The following PRKAR2A variants were observed in gnomAD, a reference collection of about 807,000 sequenced individuals.
The protein encoded by PRKAR2A is cAMP-dependent protein kinase type II-alpha regulatory subunit.
A neutral mutation model predicts 51.9 loss-of-function variants in PRKAR2A; 29 were observed. The observed-to-expected ratio is 0.56, with a 90% confidence interval of 0.42 to 0.76. The LOEUF is 0.76. Among genes scored for constraint, PRKAR2A ranks in the 30% least tolerant of loss-of-function variants. The probability of loss-of-function intolerance (pLI) is 0.00; values close to 1 mark genes in which losing one functional copy is unlikely to be tolerated. For synonymous variants in PRKAR2A, 178 were observed against 186.2 expected (o/e 0.96, Z 0.36); for missense variants, 445 against 512.1 (o/e 0.87, Z 1.26).
chr3:48,755,457 A>G (rs963331997), intron 9 of PRKAR2A, among the ~76,000 whole-genome samples: 1 of 152,104 alleles, frequency 6.6e-6, no homozygotes, highest in Non-Finnish European at 1.5e-5. Flanking sequence ...CATTCCTCCT[A>G]CTTACAGCTC....
At chr3:48,808,048 C>CTTTTT (rs1181440560) in intron 1 of PRKAR2A, among the ~76,000 whole-genome samples, 3 of 122,700 alleles carry the variant, frequency 2.4e-5, no homozygotes, top group Non-Finnish European at 4.8e-5. Flanking sequence ...TTCTTTCTTT[C>CTTTTT]TTTTTTTTTT....
intron 2 of PRKAR2A, among the ~76,000 whole-genome samples, chr3:48,798,143 G>C (rs530971364): frequency 9.9e-5 from 15 of 152,184 alleles, no homozygotes; most frequent in Admixed American, 3.3e-4. Flanking sequence ...AGTAGGGATG[G>C]AGTTTCGCCA....
intron 1 of PRKAR2A, among the ~76,000 whole-genome samples, chr3:48,838,095 G>A (rs554615913): frequency 2.6e-5 from 4 of 152,060 alleles, no homozygotes; most frequent in South Asian, 2.1e-4. Context: ...GGAGAATGGC[G>A]TGAACCCAGG....
chr3:48,834,034 T>TA lies in PRKAR2A; in HGVS notation c.262+13300dup, dbSNP rs569678133. Among the ~76,000 whole-genome samples the TA allele has an allele frequency of 7.9e-3, 829 of 104,344 alleles. 8 individuals are homozygous for TA. The highest frequency in any genetic ancestry group is 0.021 in the African/African-American group (586 of 27,882). 68.5% of individuals were successfully genotyped at this position (104,344 alleles called of 152,430 possible). ...TGGGCAACAAAGCAAGACTCCGTCT[T>TA]AAAAAAAAAAAAAAAAGAAAAAAAA... On this transcript the variant is annotated intron_variant, in intron 1 of 10. Coordinates refer to ENST00000265563, the MANE Select transcript of PRKAR2A (RefSeq NM_004157.4).
intron 1 of PRKAR2A, among the ~76,000 whole-genome samples, chr3:48,831,709 C>T (rs545770001): frequency 5.9e-4 from 90 of 152,106 alleles, no homozygotes; most frequent in African/African-American, 2.0e-3. Context: ...CTTCACCTCC[C>T]GGGTTCAAGA....
chr3:48,780,602 C>CAAAAAAA, intron 5 of PRKAR2A, among the ~76,000 whole-genome samples: 1 of 49,356 alleles, frequency 2.0e-5, no homozygotes. Context: ...GACTCCGTCT[C>CAAAAAAA]AAAAAAAAAA....
rs1260462485 is a variant in PRKAR2A, at chr3:48,829,621, CGT to C, written c.262+17712_262+17713del. Reference sequence around the variant, plus strand: ...ACACACATAAATGTGTGTGTGTATACGTGTGTATACACACACATAAATGTGTG... The same window carrying C: ...ACACACATAAATGTGTGTGTGTATACGTGTATACACACACATAAATGTGTG... On this transcript the variant is annotated intron_variant, in intron 1 of 10. Coordinates refer to ENST00000265563, the MANE Select transcript of PRKAR2A (RefSeq NM_004157.4). 8.6e-5 allele frequency among the ~76,000 whole-genome samples: 11 copies of C among 127,618 alleles called. 1 individual carries two copies. In the South Asian group the frequency reaches 1.5e-3, roughly 18 times the overall value. The allele number at this position is 127,618 out of a possible 152,430, so 83.7% of individuals were successfully genotyped here.
intron 5 of PRKAR2A, among the ~76,000 whole-genome samples, chr3:48,780,822 G>A (rs1296474828): frequency 6.6e-6 from 1 of 151,916 alleles, no homozygotes; most frequent in East Asian, 1.9e-4. Flanking sequence ...TTTGAATAAG[G>A]TGCATACATT....
chr3:48,779,429 T>G (rs1287055039), intron 5 of PRKAR2A, among the ~76,000 whole-genome samples: 1 of 151,884 alleles, frequency 6.6e-6, no homozygotes, highest in Non-Finnish European at 1.5e-5. Context: ...GGTAGGGGAG[T>G]ACACAGCAGG....
chr3:48,763,896 CAA>C (rs1193491300), intron 8 of PRKAR2A, among the ~76,000 whole-genome samples: 1 of 152,138 alleles, frequency 6.6e-6, no homozygotes, highest in Non-Finnish European at 1.5e-5. Context: ...TCCTAGAAAA[CAA>C]ATACATTTAG....
intron 1 of PRKAR2A, among the ~76,000 whole-genome samples, chr3:48,822,788 T>C (rs941114767): frequency 1.4e-5 from 2 of 145,632 alleles, no homozygotes; most frequent in African/African-American, 2.5e-5. Context: ...AGTGTGGTGG[T>C]GCAATCATGG....
At chr3:48,811,804 C>T (rs543022614) in intron 1 of PRKAR2A, among the ~76,000 whole-genome samples, 47 of 151,730 alleles carry the variant, frequency 3.1e-4, no homozygotes, top group African/African-American at 1.0e-3. Flanking sequence ...ATATGTTATC[C>T]GAATTTCACC....
intron 5 of PRKAR2A, among the ~76,000 whole-genome samples, chr3:48,781,692 T>C (rs528963491): frequency 6.6e-6 from 1 of 152,144 alleles, no homozygotes; most frequent in African/African-American, 2.4e-5. Context: ...TTTGTATTTT[T>C]AGTAGAGACG....
chr3:48,746,723 C>G lies in PRKAR2A; in HGVS notation c.*4862G>C, dbSNP rs2081566735. 6.6e-6 allele frequency: 1 copy of G among 152,142 alleles called. No individual in the cohort carries two copies. Among genetic ancestry groups the G allele is most frequent in the Non-Finnish European group, 1.5e-5 (1 of 68,042 alleles). 9.4% of individuals were successfully genotyped at this position (152,142 alleles called of 1,614,324 possible). A position where few individuals can be genotyped will look rare whatever the true frequency, so the allele number is the denominator to read the frequency against. On this transcript the variant is annotated 3_prime_UTR_variant, in exon 11 of 11. Coordinates refer to ENST00000265563, the MANE Select transcript of PRKAR2A (RefSeq NM_004157.4). The stretch of plus-strand genomic sequence containing the variant: ...ACTGTTCATTATATGTTTAACACCA[C>G]AGAGCAAGAATTGATCACGTTTCAA...
intron 1 of PRKAR2A, 72 bp from the exon 2 acceptor site, chr3:48,807,756 A>G (rs1446710239): frequency 7.4e-7 from 1 of 1,345,898 alleles, no homozygotes; most frequent in Admixed American, 1.7e-5. Flanking sequence ...CCTTTTTGCA[A>G]AAGTCTTTTA....
At chr3:48,843,838 A>T (rs2107472278) in intron 1 of PRKAR2A, among the ~76,000 whole-genome samples, 1 of 151,992 alleles carries the variant, frequency 6.6e-6, no homozygotes, top group East Asian at 1.9e-4. Context: ...AATTAATTCA[A>T]GATGGATTAA....
At chr3:48,801,013 C>CA in intron 2 of PRKAR2A, among the ~76,000 whole-genome samples, 1 of 152,020 alleles carries the variant, frequency 6.6e-6, no homozygotes, top group South Asian at 2.1e-4. Flanking sequence ...CGGACAGTCT[C>CA]ACTCATCGTC....
intron 1 of PRKAR2A, among the ~76,000 whole-genome samples, chr3:48,833,277 C>T (rs999853011): frequency 3.3e-5 from 5 of 152,132 alleles, no homozygotes; most frequent in Non-Finnish European, 7.4e-5. Flanking sequence ...TGGGCTCAAG[C>T]AATCCTCCCA....
chr3:48,789,837 C>T (rs191126709), intron 4 of PRKAR2A, among the ~76,000 whole-genome samples: 18 of 151,912 alleles, frequency 1.2e-4, no homozygotes, highest in Admixed American at 3.3e-4. Flanking sequence ...CCCTCCCTCC[C>T]TCTCTCCCTC....
Sources: gnomAD v4.1 joint callset for allele counts (sites outside exome capture counted in the v4.1 genomes callset) on GRCh38, gnomAD v4.1.1 for gene constraint, MANE v1.5 for transcripts, NCBI Gene and HGNC (gene_info 2026-07-23, HGNC 2026-07-21) for gene names.